Variants in THSD4 observed in about 807,000 individuals in gnomAD.
The protein encoded by THSD4 is thrombospondin type-1 domain-containing protein 4.
In THSD4, 69 loss-of-function variants were observed where a neutral mutation model predicts 119.0. The ratio of observed to expected loss-of-function variants is 0.58; its 90% CI spans 0.48 to 0.71. The LOEUF (loss-of-function observed/expected upper bound fraction) is 0.71, where lower values mean the gene tolerates loss of function less well. Ranked by LOEUF, THSD4 falls within the 30% of genes least tolerant of loss-of-function variation. The pLI is 0.00. For missense variants in THSD4, 1,393 were observed against 1,391.1 expected, an observed-to-expected ratio of 1.00 and a Z score of -0.02; for synonymous variants, 524 against 540.4, an observed-to-expected ratio of 0.97 and a Z score of 0.42.
Position 71,166,421 on chromosome 15 carries a change from G to T in THSD4, c.99+11489G>T, listed in dbSNP as rs187990917. On this transcript the variant is annotated intron_variant, in intron 3 of 17. Coordinates refer to ENST00000261862, the MANE Select transcript of THSD4 (RefSeq NM_024817.3). ...ATGCTAAAGTGTTTCCTGTTCTGGG[G>T]CAATGCAGCCACATGAACTCCCAGT... Among the ~76,000 whole-genome samples the T allele has an allele frequency of 6.6e-5, 10 of 152,316 alleles. No individual in the cohort carries two copies. The East Asian group carries it at 1.9e-3, about 29-fold the overall frequency.
intron 7 of THSD4, among the ~76,000 whole-genome samples, chr15:71,630,802 G>A (rs1254684831): frequency 6.6e-6 from 1 of 152,184 alleles, no homozygotes; most frequent in Non-Finnish European, 1.5e-5. Context: ...TTTTTCAACA[G>A]CAGCACTATT....
At position 71,115,723 on chromosome 15, in the gene THSD4, T is replaced by G. The variant is rs1313779968; in HGVS notation, c.-80+25T>G. On this transcript the variant is annotated intron_variant, in intron 1 of 17. Coordinates refer to ENST00000261862, the MANE Select transcript of THSD4 (RefSeq NM_024817.3). This position sits in a 1 kb window ranked among gnomAD's most constrained non-coding sequence, Gnocchi z 4.4. Reference sequence around the variant, plus strand: ...GGTGAGCAGAGCCGCGCGCCCCGCGTCCCCTGCGCGCCGCCCGCGCGGCCC... The same window carrying G: ...GGTGAGCAGAGCCGCGCGCCCCGCGGCCCCTGCGCGCCGCCCGCGCGGCCC... 6.8e-6 allele frequency: 1 copy of G among 147,312 alleles called. No homozygotes were observed. The highest frequency in any genetic ancestry group is 1.5e-5 in the Non-Finnish European group (1 of 66,230). 9.1% of individuals were successfully genotyped at this position (147,312 alleles called of 1,614,324 possible). A position where few individuals can be genotyped will look rare whatever the true frequency, so the allele number is the denominator to read the frequency against.
At chr15:71,682,717 T>C (rs953714851) in intron 8 of THSD4, among the ~76,000 whole-genome samples, 2 of 152,074 alleles carry the variant, frequency 1.3e-5, no homozygotes, top group Non-Finnish European at 2.9e-5. Flanking sequence ...ATGTGTAGAA[T>C]GTGCTAAGTC....
At chr15:71,458,591 C>T (rs1312426313) in intron 7 of THSD4, among the ~76,000 whole-genome samples, 1 of 152,168 alleles carries the variant, frequency 6.6e-6, no homozygotes, top group Non-Finnish European at 1.5e-5. Context: ...AAATACTATG[C>T]CTGCTTCTGG....
intron 8 of THSD4, among the ~76,000 whole-genome samples, chr15:71,694,795 C>G (rs1296252863): frequency 6.6e-6 from 1 of 152,118 alleles, no homozygotes; most frequent in African/African-American, 2.4e-5. Flanking sequence ...TCCATAGCCC[C>G]TTGATAGCAC....
intron 6 of THSD4, among the ~76,000 whole-genome samples, chr15:71,377,869 C>CAA (rs2046162071): frequency 3.5e-5 from 1 of 28,320 alleles, no homozygotes; most frequent in Non-Finnish European, 9.5e-5. Flanking sequence ...ATATCCACAA[C>CAA]ACACACACAC....
chr15:71,262,550 A>G (rs1390487430), intron 6 of THSD4, among the ~76,000 whole-genome samples: 2 of 152,124 alleles, frequency 1.3e-5, no homozygotes, highest in African/African-American at 4.8e-5. Flanking sequence ...GCTATAGGCT[A>G]TAGGGCATCA....
At chr15:71,440,509 A>G (rs1011957936) in intron 7 of THSD4, among the ~76,000 whole-genome samples, 1 of 152,204 alleles carries the variant, frequency 6.6e-6, no homozygotes, top group Non-Finnish European at 1.5e-5. Context: ...GGATAGATAT[A>G]TAATCCCCCT....
At chr15:71,674,808 G>C (rs992449374) in intron 8 of THSD4, among the ~76,000 whole-genome samples, 4 of 152,134 alleles carry the variant, frequency 2.6e-5, no homozygotes, top group Non-Finnish European at 5.9e-5. Context: ...ATAGAGGCCA[G>C]GGATGCTGCT....
chr15:71,294,717 C>T (rs1433044951), intron 6 of THSD4, among the ~76,000 whole-genome samples: 2 of 152,066 alleles, frequency 1.3e-5, no homozygotes, highest in Non-Finnish European at 2.9e-5. Context: ...AAGGCCCAAA[C>T]GATTACCAAA....
rs552178355 is a variant in THSD4, at chr15:71,743,201, T to C, written c.1907-1905T>C. On this transcript the variant is annotated intron_variant, in intron 11 of 17. Coordinates refer to ENST00000261862, the MANE Select transcript of THSD4 (RefSeq NM_024817.3). ...CAAGGGAAGACAAGCAGTGGCCAGG[T>C]GCTGGACAACCCCAGCAGGACCCAT... 2.6e-5 allele frequency among the ~76,000 whole-genome samples: 4 copies of C among 152,310 alleles called. No individual in the cohort carries two copies. In the South Asian group the frequency reaches 8.3e-4, roughly 32 times the overall value.
At chr15:71,731,002 G>A (rs2052966751) in intron 9 of THSD4, 119 bp from the exon 10 acceptor site, 1 of 796,108 alleles carries the variant, frequency 1.3e-6, no homozygotes, top group Non-Finnish European at 2.1e-6. Flanking sequence ...TGATATTACT[G>A]GATGCGTACT....
At chr15:71,404,855 TCTTTCTTTTCTTTC>T (rs1056518699) in intron 6 of THSD4, among the ~76,000 whole-genome samples, 109 of 151,494 alleles carry the variant, frequency 7.2e-4, no homozygotes, top group Middle Eastern at 3.4e-3. Flanking sequence ...TTCTTTCTTT[TCTTTCTTTTCTTTC>T]CTTTCTTTTC....
intron 6 of THSD4, among the ~76,000 whole-genome samples, chr15:71,330,828 G>A (rs1044728182): frequency 1.3e-5 from 2 of 152,118 alleles, no homozygotes; most frequent in Non-Finnish European, 2.9e-5. Context: ...TCGCTCTGTT[G>A]GTTGCCAAGA....
At chr15:71,726,335 C>T (rs1030836274) in intron 8 of THSD4, among the ~76,000 whole-genome samples, 2 of 152,140 alleles carry the variant, frequency 1.3e-5, no homozygotes, top group Admixed American at 1.3e-4. Context: ...CAGGCCAGAG[C>T]TCTGGGAAGG....
rs961404948 is a variant in THSD4, at chr15:71,567,057, C to T, written c.1153-93473C>T. Among the ~76,000 whole-genome samples, 6 of 152,116 alleles carry T rather than the reference C, an allele frequency of 3.9e-5. No individual in the cohort carries two copies. The East Asian group carries it at 5.8e-4, about 15-fold the overall frequency. ...TAATTGGCCCAACTTCGCATAGCAA[C>T]GCTAAAAGTTAATTTATGAAGTGGA... is the stretch of plus-strand genomic sequence containing the variant. On this transcript the variant is annotated intron_variant, in intron 7 of 17. Coordinates refer to ENST00000261862, the MANE Select transcript of THSD4 (RefSeq NM_024817.3).
intron 7 of THSD4, among the ~76,000 whole-genome samples, chr15:71,624,914 G>T (rs552253838): frequency 6.6e-6 from 1 of 152,324 alleles, no homozygotes; most frequent in East Asian, 1.9e-4. Context: ...ACCTCCTAAA[G>T]AATCTGATTC....
intron 7 of THSD4, among the ~76,000 whole-genome samples, chr15:71,572,166 G>T (rs2140901201): frequency 6.6e-6 from 1 of 152,134 alleles, no homozygotes; most frequent in Middle Eastern, 3.4e-3. Context: ...TTTATATTTT[G>T]GATTTACAAA....
In THSD4 at chr15:71,411,788, A is replaced by G; in HGVS notation, c.1117A>G (p.Asn373Asp). 1.2e-6 allele frequency: 2 copies of G among 1,614,112 alleles called. No homozygotes were observed. The highest frequency in any genetic ancestry group is 1.7e-6 in the Non-Finnish European group (2 of 1,179,972). Residue 373 changes from asparagine to aspartate, a missense_variant, in exon 7 of 18, where the codon AAC (asparagine) becomes GAC (aspartate). By Grantham distance (23) the Asn-to-Asp change is conservative. Coordinates refer to ENST00000261862, the MANE Select transcript of THSD4 (RefSeq NM_024817.3). ...CATCGATGGCACCCCCTGTGACCAG[A>G]ACGGCACGGCCATCTGTGTGTCTGG... ...KVIDGTPCDQ[N>D]GTAICVSGQC...
Sources: allele counts gnomAD v4.1 joint callset (sites outside exome capture counted in the v4.1 genomes callset), GRCh38; gene constraint gnomAD v4.1.1; non-coding constraint Gnocchi (gnomAD v3.1); transcripts MANE v1.5; gene names NCBI Gene and HGNC (gene_info 2026-07-23, HGNC 2026-07-21).